The following TAFA1 variants were observed in gnomAD, a reference collection of about 807,000 sequenced individuals.
The protein encoded by TAFA1 is TAFA chemokine like family member 1.
TAFA1 carries 4 observed loss-of-function variants against 18.5 expected under a neutral mutation model. That is an observed-to-expected ratio of 0.22 (90% CI 0.11 to 0.49). The LOEUF (loss-of-function observed/expected upper bound fraction) is 0.49. TAFA1 is among the 20% of genes least tolerant of loss of function. The probability of loss-of-function intolerance (pLI) is 0.98; values close to 1 mark genes in which losing one functional copy is unlikely to be tolerated. For synonymous variants in TAFA1, 56 were observed against 55.2 expected, an observed-to-expected ratio of 1.01 and a Z score of -0.06; for missense variants, 147 against 169.0, an observed-to-expected ratio of 0.87 and a Z score of 0.72.
chr3:68,371,629 A>G (rs771024451), intron 2 of TAFA1, among the ~76,000 whole-genome samples: 8 of 152,220 alleles, frequency 5.3e-5, no homozygotes, highest in Non-Finnish European at 8.8e-5. Flanking sequence ...TCTATCATTG[A>G]TGGGGATTTG....
chr3:68,030,773 T>C (rs1704917904), intron 2 of TAFA1, among the ~76,000 whole-genome samples: 1 of 152,200 alleles, frequency 6.6e-6, no homozygotes, highest in Admixed American at 6.5e-5. Context: ...TTTGGGTATA[T>C]ACTCCACTTG....
chr3:68,479,674 A>G (rs1359293777), intron 3 of TAFA1, among the ~76,000 whole-genome samples: 1 of 152,188 alleles, frequency 6.6e-6, no homozygotes, highest in Non-Finnish European at 1.5e-5. Flanking sequence ...CAGAAGGGCT[A>G]TGTGAATTCT....
At chr3:68,450,912 A>G (rs751795329) in intron 3 of TAFA1, among the ~76,000 whole-genome samples, 3 of 152,190 alleles carry the variant, frequency 2.0e-5, no homozygotes, top group Non-Finnish European at 4.4e-5. Context: ...TGAAACTACA[A>G]TCTTATGAGA....
chr3:68,172,766 C>A (rs1317736522), intron 2 of TAFA1, among the ~76,000 whole-genome samples: 1 of 151,816 alleles, frequency 6.6e-6, no homozygotes, highest in East Asian at 1.9e-4. Flanking sequence ...AAGGCAGTCA[C>A]CAAAGGGCGC....
intron 2 of TAFA1, among the ~76,000 whole-genome samples, chr3:68,112,766 C>T (rs1007994417): frequency 2.0e-5 from 3 of 151,890 alleles, no homozygotes; most frequent in Non-Finnish European, 4.4e-5. Context: ...AATTAAATTC[C>T]TCTATGCCAA....
At chr3:68,028,212 A>G (rs1018345071) in intron 2 of TAFA1, among the ~76,000 whole-genome samples, 2 of 152,158 alleles carry the variant, frequency 1.3e-5, no homozygotes, top group African/African-American at 4.8e-5. Context: ...AGGCAGGAGA[A>G]TCGCTTGAGC....
chr3:68,261,973 A>T (rs1201358325), intron 2 of TAFA1, among the ~76,000 whole-genome samples: 4 of 152,000 alleles, frequency 2.6e-5, no homozygotes, highest in Non-Finnish European at 4.4e-5. Flanking sequence ...TTTGAAATAA[A>T]AAAAAAAGAA....
intron 2 of TAFA1, among the ~76,000 whole-genome samples, chr3:68,296,139 A>G (rs983812206): frequency 6.6e-6 from 1 of 152,202 alleles, no homozygotes; most frequent in Non-Finnish European, 1.5e-5. Context: ...CTTGCTCTAG[A>G]GAATTGCCTA....
At chr3:68,262,405 T>C (rs910629659) in intron 2 of TAFA1, among the ~76,000 whole-genome samples, 2 of 142,024 alleles carry the variant, frequency 1.4e-5, no homozygotes, top group African/African-American at 5.2e-5. Flanking sequence ...TAGTATCCAA[T>C]AGGCAGTTTT....
intron 2 of TAFA1, among the ~76,000 whole-genome samples, chr3:68,249,113 C>T (rs1372664912): frequency 6.6e-6 from 1 of 152,136 alleles, no homozygotes; most frequent in African/African-American, 2.4e-5. Flanking sequence ...ATCACCCACA[C>T]ACAGGCCACC....
At chr3:68,297,202 C>G (rs1206459548) in intron 2 of TAFA1, among the ~76,000 whole-genome samples, 4 of 152,146 alleles carry the variant, frequency 2.6e-5, no homozygotes, top group Non-Finnish European at 5.9e-5. Context: ...ACCCTGTCAC[C>G]AATGGTGATC....
intron 3 of TAFA1, among the ~76,000 whole-genome samples, chr3:68,492,758 T>TA (rs989888928): frequency 2.0e-5 from 3 of 152,238 alleles, no homozygotes; most frequent in South Asian, 2.1e-4. Flanking sequence ...GGAAAAGCTT[T>TA]AAAAAAACTA....
intron 2 of TAFA1, among the ~76,000 whole-genome samples, chr3:68,064,962 G>A (rs1462032055): frequency 1.3e-5 from 2 of 151,890 alleles, no homozygotes; most frequent in African/African-American, 4.8e-5. Context: ...CACTTTCCAT[G>A]GTTGGTTGCC....
chr3:68,169,178 T>C (rs892220185), intron 2 of TAFA1, among the ~76,000 whole-genome samples: 2 of 152,222 alleles, frequency 1.3e-5, no homozygotes, highest in East Asian at 3.8e-4. Context: ...AATGTGATGA[T>C]GTGCAACTTT....
At chr3:68,048,762 C>T (rs1437896901) in intron 2 of TAFA1, among the ~76,000 whole-genome samples, 3 of 152,114 alleles carry the variant, frequency 2.0e-5, no homozygotes, top group African/African-American at 7.2e-5. Context: ...ACCTCCCATT[C>T]CATTGATGTT....
At chr3:68,453,065 G>C (rs1404975677) in intron 3 of TAFA1, among the ~76,000 whole-genome samples, 1 of 152,094 alleles carries the variant, frequency 6.6e-6, no homozygotes, top group East Asian at 1.9e-4. Context: ...CTATAGAATT[G>C]CTTTATTTCA....
chr3:68,447,499 C>T (rs931121133), intron 3 of TAFA1, among the ~76,000 whole-genome samples: 3 of 152,216 alleles, frequency 2.0e-5, no homozygotes, highest in African/African-American at 7.2e-5. Context: ...GTCTGCTCTA[C>T]AGAAATTGTC....
chr3:67,998,915 T>C, the TAFA1 span, among the ~76,000 whole-genome samples: 4 of 152,352 alleles, frequency 2.6e-5, no homozygotes, highest in Middle Eastern at 0.01. Context: ...CTGTTAATTG[T>C]AACCAAACAC....
intron 2 of TAFA1, among the ~76,000 whole-genome samples, chr3:68,204,263 C>A (rs771787021): frequency 1.2e-4 from 18 of 151,776 alleles, no homozygotes; most frequent in Non-Finnish European, 2.1e-4. Context: ...AGATGTGGAA[C>A]ATGAATCCAG....
Sources: allele counts gnomAD v4.1 joint callset (sites outside exome capture counted in the v4.1 genomes callset), GRCh38; gene constraint gnomAD v4.1.1; transcripts MANE v1.5; gene names NCBI Gene and HGNC (gene_info 2026-07-23, HGNC 2026-07-21).